The following STX8 variants were observed in gnomAD, a reference collection of about 807,000 sequenced individuals.
STX8 encodes syntaxin-8.
In STX8, 23 loss-of-function variants were observed where a neutral mutation model predicts 37.5. The ratio of observed to expected loss-of-function variants is 0.61; its 90% CI spans 0.44 to 0.87. The LOEUF (loss-of-function observed/expected upper bound fraction) is 0.87, where lower values mean the gene tolerates loss of function less well. Among genes scored for constraint, STX8 ranks in the 40% least tolerant of loss-of-function variants. The pLI, the probability that STX8 is intolerant of heterozygous loss-of-function variation, is 0.00. For missense variants in STX8, 313 were observed against 284.7 expected (o/e 1.10, Z -0.71); for synonymous variants, 115 against 99.1 (o/e 1.16, Z -0.95).
intron 7 of STX8, among the ~76,000 whole-genome samples, chr17:9,261,083 G>A (rs772678764): frequency 5.3e-5 from 8 of 152,228 alleles, no homozygotes; most frequent in Non-Finnish European, 8.8e-5. Context: ...TGCAGGTGAC[G>A]GGGCAGAGAG....
chr17:9,438,051 C>A (rs758878131), intron 6 of STX8, among the ~76,000 whole-genome samples: 8 of 151,996 alleles, frequency 5.3e-5, no homozygotes, highest in Admixed American at 2.6e-4. Context: ...TTGAGACCAG[C>A]CTGGCCAACA....
intron 6 of STX8, among the ~76,000 whole-genome samples, chr17:9,383,821 A>C (rs1001428697): frequency 6.6e-6 from 1 of 152,234 alleles, no homozygotes; most frequent in Admixed American, 6.5e-5. Context: ...CCAGTGATAA[A>C]GAACGGAGAA....
intron 7 of STX8, among the ~76,000 whole-genome samples, chr17:9,297,108 T>C (rs1054123637): frequency 6.6e-6 from 1 of 152,158 alleles, no homozygotes; most frequent in East Asian, 1.9e-4. Context: ...TGGTGTCCAA[T>C]GCACAGTGAA....
At chr17:9,268,952 C>CCA (rs1907336605) in intron 7 of STX8, among the ~76,000 whole-genome samples, 1 of 152,170 alleles carries the variant, frequency 6.6e-6, no homozygotes, top group Non-Finnish European at 1.5e-5. Flanking sequence ...CTTTGGGAGG[C>CCA]TGAGGCGGGC....
intron 4 of STX8, among the ~76,000 whole-genome samples, chr17:9,528,233 C>T (rs2142537312): frequency 6.6e-6 from 1 of 152,240 alleles, no homozygotes; most frequent in African/African-American, 2.4e-5. Flanking sequence ...ATCCTGGTTA[C>T]TTGAGGAGAA....
chr17:9,491,993 G>T, intron 5 of STX8, 72 bp from the exon 6 acceptor site: 2 of 1,027,464 alleles, frequency 1.9e-6, no homozygotes, highest in Non-Finnish European at 2.9e-6. Flanking sequence ...GTATACCCAG[G>T]CATATAACAC....
In STX8 at chr17:9,519,997, G is replaced by A. The variant is rs528228088; in HGVS notation, c.324-14835C>T. Reference sequence around the variant, plus strand: ...CATTTATCAAGCGGGATTGTAGTTAGTTATTTACTCATCTGTCTCCCTTCC... The same window carrying A: ...CATTTATCAAGCGGGATTGTAGTTAATTATTTACTCATCTGTCTCCCTTCC... On this transcript the variant is annotated intron_variant, in intron 4 of 7. Transcript: ENST00000306357. Among the ~76,000 whole-genome samples the A allele has an allele frequency of 1.4e-4, 22 of 152,250 alleles. 1 individual carries two copies. Among genetic ancestry groups the A allele is most frequent in the Admixed American group, 9.8e-4 (15 of 15,282 alleles).
chr17:9,505,028 T>G lies in STX8; in HGVS notation c.448+10A>C, dbSNP rs779421354. 18 of 1,568,510 alleles carry G rather than the reference T, an allele frequency of 1.1e-5. No homozygotes were observed. The highest frequency in any genetic ancestry group is 1.7e-4 in the Middle Eastern group (1 of 5,884). ...GTTTCTGAGCCCACACTCCTCAGGA[T>G]ATTTAGTACCTTGGATAATTTTCTG... On this transcript the variant is annotated intron_variant, in intron 5 of 7. Coordinates refer to ENST00000306357, the MANE Select transcript of STX8 (RefSeq NM_004853.3).
chr17:9,410,539 T>A (rs377550951), intron 6 of STX8, among the ~76,000 whole-genome samples: 1 of 152,210 alleles, frequency 6.6e-6, no homozygotes, highest in Non-Finnish European at 1.5e-5. Flanking sequence ...TCTTCACAGA[T>A]GTCACAGAGA....
intron 7 of STX8, among the ~76,000 whole-genome samples, chr17:9,338,529 G>A (rs1910219555): frequency 6.6e-6 from 1 of 152,092 alleles, no homozygotes; most frequent in Middle Eastern, 3.2e-3. Flanking sequence ...GAACTGATCT[G>A]TTTCTCAACC....
intron 7 of STX8, among the ~76,000 whole-genome samples, chr17:9,367,498 C>T (rs978649712): frequency 1.3e-5 from 2 of 152,148 alleles, no homozygotes; most frequent in Non-Finnish European, 2.9e-5. Context: ...CAGAGTCTGC[C>T]TCTGATTCTG....
chr17:9,512,366 C>A (rs766780923), intron 4 of STX8, among the ~76,000 whole-genome samples: 1 of 151,966 alleles, frequency 6.6e-6, no homozygotes, highest in Non-Finnish European at 1.5e-5. Context: ...TAATGTACTA[C>A]AATGCTGTTT....
chr17:9,514,611 C>G (rs1364419985), intron 4 of STX8, among the ~76,000 whole-genome samples: 2 of 151,974 alleles, frequency 1.3e-5, no homozygotes, highest in African/African-American at 2.4e-5. Context: ...ATCTCAAAAA[C>G]AAAACAAAAA....
At chr17:9,487,610 CG>C (rs1906655771) in intron 6 of STX8, among the ~76,000 whole-genome samples, 1 of 152,182 alleles carries the variant, frequency 6.6e-6, no homozygotes, top group South Asian at 2.1e-4. Context: ...GCCTTCTCTC[CG>C]GGAGGCCACC....
At chr17:9,301,273 A>G (rs1908771273) in intron 7 of STX8, among the ~76,000 whole-genome samples, 1 of 152,070 alleles carries the variant, frequency 6.6e-6, no homozygotes, top group South Asian at 2.1e-4. Context: ...AGTAATTTTT[A>G]AAAAACAACA....
intron 7 of STX8, among the ~76,000 whole-genome samples, chr17:9,279,017 G>A (rs1230103790): frequency 6.6e-6 from 1 of 151,774 alleles, no homozygotes; most frequent in Admixed American, 6.6e-5. Context: ...ACTGTAAACT[G>A]GTGTTACTAT....
intron 6 of STX8, among the ~76,000 whole-genome samples, chr17:9,413,891 G>A (rs868827622): frequency 1.6e-3 from 141 of 86,506 alleles, no homozygotes; most frequent in South Asian, 7.6e-3. Flanking sequence ...TCCATCCATC[G>A]ATCCATCCAT....
chr17:9,344,442 G>C (rs1362609290), intron 7 of STX8, among the ~76,000 whole-genome samples: 1 of 151,988 alleles, frequency 6.6e-6, no homozygotes, highest in Admixed American at 6.6e-5. Flanking sequence ...TGTATTTTTA[G>C]TAGAGACGGG....
chr17:9,436,165 C>T (rs1454304766), intron 6 of STX8, among the ~76,000 whole-genome samples: 2 of 150,348 alleles, frequency 1.3e-5, no homozygotes, highest in African/African-American at 4.9e-5. Flanking sequence ...GGTGAAACCC[C>T]GTCTCTACTA....
Sources: allele counts gnomAD v4.1 joint callset (sites outside exome capture counted in the v4.1 genomes callset), GRCh38; gene constraint gnomAD v4.1.1; transcripts MANE v1.5; gene names NCBI Gene and HGNC (gene_info 2026-07-23, HGNC 2026-07-21).